GPC5: variants seen among roughly 807,000 people sequenced by gnomAD.
The protein encoded by GPC5 is glypican-5.
Under a neutral mutation model 53.9 loss-of-function variants are expected in GPC5, and 47 were observed. The observed-to-expected ratio is 0.87, with a 90% CI of 0.69 to 1.11. The LOEUF (loss-of-function observed/expected upper bound fraction) is 1.11. GPC5 is among the 50% of genes most tolerant of loss of function. The pLI is 0.00. For synonymous variants in GPC5, 286 were observed against 263.3 expected (o/e 1.09, Z -0.84); for missense variants, 748 against 713.1 (o/e 1.05, Z -0.56).
At chr13:92,684,040 C>T (rs962978358) in intron 7 of GPC5, among the ~76,000 whole-genome samples, 2 of 152,096 alleles carry the variant, frequency 1.3e-5, no homozygotes, top group Non-Finnish European at 2.9e-5. Flanking sequence ...TTTAACTGCC[C>T]TAAAAATCCC....
At chr13:92,144,036 G>A (rs1320889938) in intron 6 of GPC5, among the ~76,000 whole-genome samples, 2 of 152,090 alleles carry the variant, frequency 1.3e-5, no homozygotes, top group East Asian at 3.9e-4. Flanking sequence ...TACTGCATTG[G>A]ACTATCTTAA....
intron 7 of GPC5, among the ~76,000 whole-genome samples, chr13:92,337,196 C>T (rs537707278): frequency 3.5e-3 from 386 of 111,490 alleles, no homozygotes; most frequent in Admixed American, 5.5e-3. Context: ...AGCAGCACCC[C>T]CCACCCAAAA....
intron 7 of GPC5, among the ~76,000 whole-genome samples, chr13:92,311,747 A>T (rs1402779597): frequency 6.6e-6 from 1 of 152,178 alleles, no homozygotes; most frequent in Non-Finnish European, 1.5e-5. Context: ...GTTACCTCCC[A>T]CTGGGTCCAT....
At chr13:92,527,895 T>C (rs776065157) in intron 7 of GPC5, among the ~76,000 whole-genome samples, 15 of 152,120 alleles carry the variant, frequency 9.9e-5, no homozygotes, top group Non-Finnish European at 1.9e-4. Context: ...AAGTGTGACT[T>C]AGTTGTGATA....
chr13:92,178,140 T>C (rs966360133), intron 7 of GPC5, among the ~76,000 whole-genome samples: 6 of 152,282 alleles, frequency 3.9e-5, no homozygotes, highest in Admixed American at 3.9e-4. Context: ...TTATCATGAA[T>C]ACTAAGGGTA....
chr13:92,224,134 C>T (rs2042467937), intron 7 of GPC5, among the ~76,000 whole-genome samples: 1 of 151,974 alleles, frequency 6.6e-6, no homozygotes. Flanking sequence ...AAAGAAAAAC[C>T]TGAACTCTAA....
At chr13:92,186,792 G>T (rs978800358) in intron 7 of GPC5, among the ~76,000 whole-genome samples, 7 of 152,098 alleles carry the variant, frequency 4.6e-5, no homozygotes, top group Non-Finnish European at 1.5e-5. Flanking sequence ...GCATATACAA[G>T]TATGTTTCAG....
At chr13:91,868,582 G>A (rs1240173828) in intron 5 of GPC5, among the ~76,000 whole-genome samples, 3 of 152,094 alleles carry the variant, frequency 2.0e-5, no homozygotes, top group African/African-American at 4.8e-5. Context: ...GCACATGACT[G>A]TAATCCCAGC....
At chr13:91,936,813 C>T (rs1249039186) in intron 6 of GPC5, among the ~76,000 whole-genome samples, 1 of 152,006 alleles carries the variant, frequency 6.6e-6, no homozygotes. Context: ...CTGATGGGGC[C>T]TTGGGAGCCA....
chr13:91,967,657 C>T (rs1290848234), intron 6 of GPC5, among the ~76,000 whole-genome samples: 1 of 151,870 alleles, frequency 6.6e-6, no homozygotes, highest in Non-Finnish European at 1.5e-5. Flanking sequence ...ATGTAACACC[C>T]TGGTAGAAGA....
intron 5 of GPC5, among the ~76,000 whole-genome samples, chr13:91,814,480 G>A (rs1245002916): frequency 6.6e-6 from 1 of 152,070 alleles, no homozygotes; most frequent in African/African-American, 2.4e-5. Flanking sequence ...TCATTTGCAA[G>A]TTCTTAGTGG....
chr13:91,753,272 A>G (rs1277831571), intron 4 of GPC5, among the ~76,000 whole-genome samples: 1 of 152,254 alleles, frequency 6.6e-6, no homozygotes, highest in Non-Finnish European at 1.5e-5. Flanking sequence ...CAAGCGAGAT[A>G]AGGATGATCA....
At chr13:91,935,543 G>T (rs2039862226) in intron 6 of GPC5, among the ~76,000 whole-genome samples, 1 of 151,888 alleles carries the variant, frequency 6.6e-6, no homozygotes, top group Non-Finnish European at 1.5e-5. Context: ...GAATTGTAAA[G>T]AAATGATATT....
rs1256029047 is a variant in GPC5 at position 92,020,205 on chromosome 13, C to A, written c.1401+112148C>A. 2.6e-5 allele frequency among the ~76,000 whole-genome samples: 4 copies of A among 152,170 alleles called. 1 individual carries two copies. The East Asian group carries it at 7.7e-4, about 29-fold the overall frequency. ...ACTTTTAAGAAAGCTTGTAATTTCA[C>A]CAGCTGTAAAATCCTATTTAATCTC... On this transcript the variant is annotated intron_variant, in intron 6 of 7. Transcript: ENST00000377067.
At chr13:92,499,330 G>A (rs759040276) in intron 7 of GPC5, among the ~76,000 whole-genome samples, 12 of 152,028 alleles carry the variant, frequency 7.9e-5, no homozygotes, top group Non-Finnish European at 1.6e-4. Context: ...TGAGCAAAAC[G>A]GTTTGTACTG....
At chr13:91,934,911 AT>A in intron 6 of GPC5, among the ~76,000 whole-genome samples, 1 of 152,124 alleles carries the variant, frequency 6.6e-6, no homozygotes, top group East Asian at 1.9e-4. Context: ...CAGATCTACT[AT>A]GGAAAATAAT....
At chr13:92,266,123 G>A (rs975155990) in intron 7 of GPC5, among the ~76,000 whole-genome samples, 1 of 152,062 alleles carries the variant, frequency 6.6e-6, no homozygotes, top group Non-Finnish European at 1.5e-5. Context: ...GTTACATTGG[G>A]GATTAAGTTT....
At chr13:91,666,475 G>T (rs941809890) in intron 2 of GPC5, among the ~76,000 whole-genome samples, 1 of 152,022 alleles carries the variant, frequency 6.6e-6, no homozygotes, top group African/African-American at 2.4e-5. Context: ...TTTAGCATTT[G>T]TCTTTTGAGG....
intron 7 of GPC5, among the ~76,000 whole-genome samples, chr13:92,685,544 A>ATT (rs61560973): frequency 0.036 from 3,782 of 105,654 alleles, 120 homozygotes; most frequent in Middle Eastern, 0.11. Context: ...AATTATGCTC[A>ATT]TTTTTTTTTT....
Sources: allele counts gnomAD v4.1 joint callset (sites outside exome capture counted in the v4.1 genomes callset), GRCh38; gene constraint gnomAD v4.1.1; transcripts MANE v1.5; gene names NCBI Gene and HGNC (gene_info 2026-07-23, HGNC 2026-07-21).